Variants in SLC10A7 observed in about 807,000 individuals in gnomAD.
SLC10A7 encodes sodium/bile acid cotransporter 7.
A neutral mutation model predicts 43.2 loss-of-function variants in SLC10A7; 29 were observed. The ratio of observed to expected loss-of-function variants is 0.67; its 90% CI spans 0.50 to 0.92. The LOEUF is 0.92. SLC10A7 is among the 40% of genes least tolerant of loss of function. The probability of loss-of-function intolerance (pLI) is 0.00; values close to 1 mark genes in which losing one functional copy is unlikely to be tolerated. For missense variants in SLC10A7, 295 were observed against 403.2 expected (o/e 0.73, Z 2.30); for synonymous variants, 152 against 144.8 (o/e 1.05, Z -0.35).
intron 4 of SLC10A7, among the ~76,000 whole-genome samples, chr4:146,483,533 AAAGG>A (rs1477447565): frequency 2.6e-5 from 4 of 152,192 alleles, no homozygotes; most frequent in African/African-American, 9.6e-5. Flanking sequence ...ATCAAATCAC[AAAGG>A]AAGACAAGAG....
At chr4:146,310,182 A>G (rs1425332058) in intron 6 of SLC10A7, among the ~76,000 whole-genome samples, 1 of 152,126 alleles carries the variant, frequency 6.6e-6, no homozygotes, top group Admixed American at 6.5e-5. Context: ...GTAGTATTCC[A>G]TGGGTGTATA....
intron 3 of SLC10A7, among the ~76,000 whole-genome samples, chr4:146,509,513 C>T (rs138585281): frequency 4.1e-4 from 62 of 152,248 alleles, no homozygotes; most frequent in African/African-American, 1.4e-3. Flanking sequence ...GAAAAGGTAA[C>T]GTTTGTCCCA....
intron 9 of SLC10A7, among the ~76,000 whole-genome samples, chr4:146,290,330 G>A (rs67950592): frequency 0.74 from 80,953 of 109,358 alleles, 27,654 homozygotes; most frequent in East Asian, 0.86. Flanking sequence ...TCTCAAAAAA[G>A]AAAAAAAAAA....
At chr4:146,448,309 C>A (rs1731289201) in intron 4 of SLC10A7, among the ~76,000 whole-genome samples, 1 of 152,012 alleles carries the variant, frequency 6.6e-6, no homozygotes, top group Non-Finnish European at 1.5e-5. Context: ...TCTTTCATTG[C>A]TGAAAGGCTC....
intron 10 of SLC10A7, among the ~76,000 whole-genome samples, chr4:146,262,248 A>G (rs1372419150): frequency 6.6e-6 from 1 of 152,222 alleles, no homozygotes; most frequent in Non-Finnish European, 1.5e-5. Context: ...AGAAGTTGGG[A>G]TAAGCAGAGT....
chr4:146,278,539 T>C (rs1450332734), intron 10 of SLC10A7, among the ~76,000 whole-genome samples: 2 of 152,188 alleles, frequency 1.3e-5, no homozygotes, highest in African/African-American at 2.4e-5. Flanking sequence ...TAAGACAGTT[T>C]GGAGGGTCTG....
At chr4:146,516,994 A>T in intron 2 of SLC10A7, 44 bp downstream of exon 2, 1 of 1,443,232 alleles carries the variant, frequency 6.9e-7, no homozygotes, top group South Asian at 1.3e-5. Flanking sequence ...AGTACAAATT[A>T]AATTTTTCTC....
intron 4 of SLC10A7, among the ~76,000 whole-genome samples, chr4:146,476,801 C>T (rs150611315): frequency 4.5e-4 from 68 of 152,242 alleles, no homozygotes; most frequent in African/African-American, 1.5e-3. Flanking sequence ...AACTTACATT[C>T]AAAACAGGAA....
At chr4:146,395,124 C>T (rs1227351643) in intron 5 of SLC10A7, among the ~76,000 whole-genome samples, 2 of 152,060 alleles carry the variant, frequency 1.3e-5, no homozygotes, top group Non-Finnish European at 2.9e-5. Flanking sequence ...ATCCCAGCAC[C>T]TTTGGAGGTG....
intron 5 of SLC10A7, among the ~76,000 whole-genome samples, chr4:146,377,893 G>C (rs944451084): frequency 2.6e-5 from 4 of 152,236 alleles, no homozygotes; most frequent in Middle Eastern, 3.4e-3. Context: ...AAACTTCATA[G>C]GTTTATATGC....
intron 1 of SLC10A7, among the ~76,000 whole-genome samples, chr4:146,521,158 A>G (rs1186589398): frequency 6.6e-6 from 1 of 152,020 alleles, no homozygotes; most frequent in East Asian, 1.9e-4. Flanking sequence ...CATGTGGGCC[A>G]TAAAATCTGA....
chr4:146,384,179 TC>T (rs879545385), intron 5 of SLC10A7, among the ~76,000 whole-genome samples: 7 of 152,268 alleles, frequency 4.6e-5, no homozygotes, highest in Non-Finnish European at 8.8e-5. Flanking sequence ...CCAGCAAACA[TC>T]TTTTATTTCA....
rs1225507087 is a variant in SLC10A7 at position 146,400,839 on chromosome 4, T to C, written c.435+41944A>G. Among the ~76,000 whole-genome samples, 12 of 152,214 alleles carry C rather than the reference T, an allele frequency of 7.9e-5. 1 individual carries two copies. Among genetic ancestry groups the C allele is most frequent in the Admixed American group, 7.9e-4 (12 of 15,274 alleles). On this transcript the variant is annotated intron_variant, in intron 5 of 11. Coordinates refer to ENST00000335472, the MANE Select transcript of SLC10A7 (RefSeq NM_001029998.6). Reference sequence around the variant, plus strand: ...TTGTTTACTTAAAGAACAAATTTTCTGGTCTTGCAGACATGAAAAGAAGAA... The same window carrying C: ...TTGTTTACTTAAAGAACAAATTTTCCGGTCTTGCAGACATGAAAAGAAGAA...
chr4:146,326,080 G>T, intron 5 of SLC10A7, 84 bp from the exon 6 acceptor site: 1 of 1,192,728 alleles, frequency 8.4e-7, no homozygotes. Flanking sequence ...CTGAGGCATA[G>T]GAGTGCTTAT....
chr4:146,345,736 C>T (rs1283447830), intron 5 of SLC10A7, among the ~76,000 whole-genome samples: 1 of 152,060 alleles, frequency 6.6e-6, no homozygotes, highest in East Asian at 1.9e-4. Context: ...AGGAAAGGGA[C>T]CATGCTTATT....
intron 5 of SLC10A7, among the ~76,000 whole-genome samples, chr4:146,351,430 T>C (rs1217785373): frequency 6.6e-6 from 1 of 152,050 alleles, no homozygotes; most frequent in East Asian, 1.9e-4. Context: ...GAAAGTGATG[T>C]GGAGAATGGA....
chr4:146,521,571 T>C (rs367819053), intron 1 of SLC10A7, 47 bp downstream of exon 1: 83 of 1,529,932 alleles, frequency 5.4e-5, no homozygotes, highest in Non-Finnish European at 7.2e-5. Flanking sequence ...CACAAATTAG[T>C]TCTGAAGTGG....
At position 146,350,306 on chromosome 4, in the gene SLC10A7, A is replaced by C. The variant is rs985861804; in HGVS notation, c.436-24310T>G. ...GGAAAATCGGGTCACTCCCACCCGAATATTGCGCTTTTCAGAACGGCTTAA... is the reference window on the plus strand; with the variant it reads ...GGAAAATCGGGTCACTCCCACCCGACTATTGCGCTTTTCAGAACGGCTTAA... On this transcript the variant is annotated intron_variant, in intron 5 of 11. Coordinates refer to ENST00000335472, the MANE Select transcript of SLC10A7 (RefSeq NM_001029998.6). Among the ~76,000 whole-genome samples, 2 of 151,680 alleles carry C rather than the reference A, an allele frequency of 1.3e-5. 1 individual carries two copies. Among genetic ancestry groups the C allele is most frequent in the Non-Finnish European group, 2.9e-5 (2 of 67,908 alleles).
intron 5 of SLC10A7, among the ~76,000 whole-genome samples, chr4:146,346,200 C>T (rs186254143): frequency 2.0e-5 from 3 of 152,150 alleles, no homozygotes; most frequent in Non-Finnish European, 4.4e-5. Context: ...AAACTGATGA[C>T]CAACTCTATT....
Sources: gnomAD v4.1 joint callset for allele counts (sites outside exome capture counted in the v4.1 genomes callset) on GRCh38, gnomAD v4.1.1 for gene constraint, MANE v1.5 for transcripts, NCBI Gene and HGNC (gene_info 2026-07-23, HGNC 2026-07-21) for gene names.